The following ST6GAL1 variants were observed in gnomAD, a reference collection of about 807,000 sequenced individuals.
The protein encoded by ST6GAL1 is ST6 beta-galactoside alpha-2,6-sialyltransferase 1.
Under a neutral mutation model 38.0 loss-of-function variants are expected in ST6GAL1, and 20 were observed. That is an observed-to-expected ratio of 0.53 (90% CI 0.37 to 0.77). The LOEUF (loss-of-function observed/expected upper bound fraction) is 0.77, where lower values mean the gene tolerates loss of function less well. Ranked by LOEUF, ST6GAL1 falls within the 30% of genes least tolerant of loss-of-function variation. ST6GAL1 has a pLI of 0.00. For synonymous variants in ST6GAL1, 196 were observed against 188.2 expected (o/e 1.04, Z -0.34); for missense variants, 432 against 496.4 (o/e 0.87, Z 1.23).
chr3:186,962,119 C>T (rs1222412731), intron 1 of ST6GAL1, among the ~76,000 whole-genome samples: 3 of 152,298 alleles, frequency 2.0e-5, no homozygotes, highest in East Asian at 1.9e-4. Context: ...CTTTGTTGTT[C>T]GCCCTGTTCT....
intron 2 of ST6GAL1, among the ~76,000 whole-genome samples, chr3:187,015,341 T>C (rs112899393): frequency 2.0e-5 from 3 of 152,142 alleles, no homozygotes; most frequent in Non-Finnish European, 4.4e-5. Context: ...ATACCAAGGG[T>C]CAACTATAAT....
chr3:186,955,111 T>C lies in ST6GAL1; in HGVS notation c.-324-8674T>C, dbSNP rs191720044. On this transcript the variant is annotated intron_variant, in intron 1 of 7. Transcript: ENST00000169298. Reference sequence around the variant, plus strand: ...GAATCCTTTTCCCATTGCTAGTTTTTGTCAGGTGTGGCAAAGATCAGATGG... The same window carrying C: ...GAATCCTTTTCCCATTGCTAGTTTTCGTCAGGTGTGGCAAAGATCAGATGG... Among the ~76,000 whole-genome samples the C allele has an allele frequency of 1.1e-3, 174 of 152,356 alleles. 1 individual carries two copies. The highest frequency in any genetic ancestry group is 1.2e-4 in the Non-Finnish European group (8 of 68,034).
chr3:186,956,596 T>C lies in ST6GAL1; in HGVS notation c.-324-7189T>C, dbSNP rs142989128. 1.7e-3 allele frequency among the ~76,000 whole-genome samples: 257 copies of C among 152,300 alleles called. 4 individuals are homozygous for C. The highest frequency in any genetic ancestry group is 6.0e-3 in the African/African-American group (249 of 41,560). Reference sequence around the variant, plus strand: ...GCTTCTGTCACACAGTGCTGGATACTAGAGTCAAATTCTGCTTTCCCTAGT... The same window carrying C: ...GCTTCTGTCACACAGTGCTGGATACCAGAGTCAAATTCTGCTTTCCCTAGT... On this transcript the variant is annotated intron_variant, in intron 1 of 7. Transcript: ENST00000169298.
chr3:186,944,511 A>G (rs1714289189), intron 1 of ST6GAL1, among the ~76,000 whole-genome samples: 1 of 152,216 alleles, frequency 6.6e-6, no homozygotes, highest in Admixed American at 6.5e-5. Context: ...AATCAAGATT[A>G]TTGAAAACTA....
chr3:187,051,768 T>C (rs143478106), intron 5 of ST6GAL1, among the ~76,000 whole-genome samples: 16 of 152,244 alleles, frequency 1.1e-4, no homozygotes, highest in African/African-American at 3.1e-4. Context: ...AGTGTCACCA[T>C]GTAATTATGT....
chr3:187,078,339 T>C lies in ST6GAL1; in HGVS notation c.*2536T>C, dbSNP rs1359538138. On this transcript the variant is annotated 3_prime_UTR_variant, in exon 8 of 8. Coordinates refer to ENST00000169298, the MANE Select transcript of ST6GAL1 (RefSeq NM_173216.2). ...TTTGTGACAGTTAATTTAAAAATTATGAGTTAATGCTGCCTGTGTCTATGG... is the reference window on the plus strand; with the variant it reads ...TTTGTGACAGTTAATTTAAAAATTACGAGTTAATGCTGCCTGTGTCTATGG... The C allele has an allele frequency of 2.0e-5, 3 of 152,258 alleles. No individual in the cohort carries two copies. The highest frequency in any genetic ancestry group is 7.2e-5 in the African/African-American group (3 of 41,436). The allele number at this position is 152,258 out of a possible 1,614,324, so 9.4% of individuals were successfully genotyped here. A position where few individuals can be genotyped will look rare whatever the true frequency, so the allele number is the denominator to read the frequency against.
chr3:186,983,446 G>A lies in ST6GAL1; in HGVS notation c.-183+19520G>A, dbSNP rs981496436. Among the ~76,000 whole-genome samples, 12 of 152,230 alleles carry A rather than the reference G, an allele frequency of 7.9e-5. No individual in the cohort carries two copies. In the East Asian group the frequency reaches 9.6e-4, roughly 12 times the overall value. ...CTGAGAGTAGAAAATAGAAGCTTGC[G>A]ACCTATTCAGTTGGAATCAACACTG... is the stretch of plus-strand genomic sequence containing the variant. On this transcript the variant is annotated intron_variant, in intron 2 of 7. Transcript: ENST00000169298.
intron 2 of ST6GAL1, among the ~76,000 whole-genome samples, chr3:186,978,138 G>A (rs1383578893): frequency 6.6e-6 from 1 of 152,190 alleles, no homozygotes; most frequent in Non-Finnish European, 1.5e-5. Flanking sequence ...TTGAACCCAG[G>A]AGGCAGAGGT....
At chr3:187,066,871 C>T (rs768219949) in intron 5 of ST6GAL1, among the ~76,000 whole-genome samples, 2 of 151,950 alleles carry the variant, frequency 1.3e-5, no homozygotes, top group East Asian at 1.9e-4. Context: ...TAAGTACAGG[C>T]GTTTGAGAAC....
At chr3:187,050,297 AAGATTG>A (rs1445111341) in intron 4 of ST6GAL1, among the ~76,000 whole-genome samples, 2 of 152,114 alleles carry the variant, frequency 1.3e-5, no homozygotes, top group Non-Finnish European at 2.9e-5. Context: ...TTGACCGAGT[AAGATTG>A]AAAGAAGTTC....
chr3:187,033,463 A>G (rs915473801), intron 2 of ST6GAL1, among the ~76,000 whole-genome samples: 1 of 152,222 alleles, frequency 6.6e-6, no homozygotes, highest in African/African-American at 2.4e-5. Flanking sequence ...TTAATCTTTC[A>G]TCAGTTTATC....
intron 5 of ST6GAL1, chr3:187,071,886 C>CTT (rs980813902): frequency 1.3e-5 from 2 of 151,790 alleles, no homozygotes; most frequent in African/African-American, 4.8e-5. Flanking sequence ...ATCCTGGATC[C>CTT]TTTTGTATCC....
intron 1 of ST6GAL1, among the ~76,000 whole-genome samples, chr3:186,942,855 A>G (rs936660584): frequency 2.3e-4 from 35 of 152,136 alleles, no homozygotes; most frequent in Non-Finnish European, 4.0e-4. Context: ...GGTGCCCACC[A>G]CTACGCCCAG....
chr3:186,948,271 GAGGGACC>G (rs1714447636), intron 1 of ST6GAL1, among the ~76,000 whole-genome samples: 1 of 152,250 alleles, frequency 6.6e-6, no homozygotes. Flanking sequence ...TGGTCTGAAA[GAGGGACC>G]AGGAAGGATA....
intron 2 of ST6GAL1, among the ~76,000 whole-genome samples, chr3:186,977,489 C>T (rs1053900794): frequency 2.0e-5 from 3 of 152,186 alleles, no homozygotes; most frequent in Non-Finnish European, 2.9e-5. Flanking sequence ...TGCACCCTGC[C>T]AGGTTGTCAT....
chr3:187,012,247 A>C (rs539972653), intron 2 of ST6GAL1, among the ~76,000 whole-genome samples: 7 of 148,760 alleles, frequency 4.7e-5, no homozygotes, highest in Non-Finnish European at 8.9e-5. Context: ...TATTTACTGC[A>C]TTTTTTTTCA....
At chr3:187,044,101 C>A (rs1718217831) in intron 4 of ST6GAL1, among the ~76,000 whole-genome samples, 1 of 152,030 alleles carries the variant, frequency 6.6e-6, no homozygotes, top group Admixed American at 6.5e-5. Flanking sequence ...GATCTGTGAC[C>A]CAAAAAAGTT....
In ST6GAL1 at chr3:187,002,083, T is replaced by C. The variant is rs866297095; in HGVS notation, c.-182-36659T>C. On this transcript the variant is annotated intron_variant, in intron 2 of 7. Transcript: ENST00000169298. ...TAATTAGCTGTTAGATCTGACCATATTTTCTGTTATGGTGTATTTTTAAGT... is the reference window on the plus strand; with the variant it reads ...TAATTAGCTGTTAGATCTGACCATACTTTCTGTTATGGTGTATTTTTAAGT... Among the ~76,000 whole-genome samples the C allele has an allele frequency of 7.9e-5, 12 of 152,238 alleles. No individual in the cohort carries two copies. In the Middle Eastern group the frequency reaches 0.017, roughly 216 times the overall value.
intron 2 of ST6GAL1, among the ~76,000 whole-genome samples, chr3:186,980,454 C>G (rs1275951510): frequency 6.6e-6 from 1 of 152,026 alleles, no homozygotes; most frequent in Non-Finnish European, 1.5e-5. Flanking sequence ...TTAGTCCTGA[C>G]ACTAGATTTT....
Sources: gnomAD v4.1 joint callset for allele counts (sites outside exome capture counted in the v4.1 genomes callset) on GRCh38, gnomAD v4.1.1 for gene constraint, MANE v1.5 for transcripts, NCBI Gene and HGNC (gene_info 2026-07-23, HGNC 2026-07-21) for gene names.